SLCO3A1: variants seen among roughly 807,000 people sequenced by gnomAD.
The protein encoded by SLCO3A1 is PGE1 transporter.
In SLCO3A1, 27 loss-of-function variants were observed where a neutral mutation model predicts 63.1. That is an observed-to-expected ratio of 0.43 (90% CI 0.32 to 0.59). SLCO3A1 has a LOEUF of 0.59. Ranked by LOEUF, SLCO3A1 falls within the 20% of genes least tolerant of loss-of-function variation. The probability of loss-of-function intolerance (pLI) is 0.09; values close to 1 mark genes in which losing one functional copy is unlikely to be tolerated. For missense variants in SLCO3A1, 773 were observed against 945.8 expected (o/e 0.82, Z 2.40); for synonymous variants, 473 against 409.9 (o/e 1.15, Z -1.86).
chr15:91,887,264 C>T (rs1384490854), intron 1 of SLCO3A1, among the ~76,000 whole-genome samples: 2 of 152,124 alleles, frequency 1.3e-5, no homozygotes, highest in African/African-American at 2.4e-5. Context: ...ACCCCTTCCC[C>T]CTTCCTCGGC....
rs144719511 is a variant in SLCO3A1 at position 92,124,132 on chromosome 15, C to T, written c.1175-1929C>T. Among the ~76,000 whole-genome samples the T allele has an allele frequency of 1.4e-4, 22 of 152,320 alleles. 1 individual carries two copies. The highest frequency in any genetic ancestry group is 3.4e-3 in the Middle Eastern group (1 of 294). On this transcript the variant is annotated intron_variant, in intron 5 of 9. Coordinates refer to ENST00000318445, the MANE Select transcript of SLCO3A1 (RefSeq NM_013272.4). ...ATCCCAGAGCATCAGCACTGGCCCCCCTTCCACCCCTTGCAAAGTCATCAG... is the reference window on the plus strand; with the variant it reads ...ATCCCAGAGCATCAGCACTGGCCCCTCTTCCACCCCTTGCAAAGTCATCAG...
rs1026800420 is a variant in SLCO3A1 at position 91,968,590 on chromosome 15, C to G, written c.646+52132C>G. Among the ~76,000 whole-genome samples the G allele has an allele frequency of 1.3e-5, 2 of 152,126 alleles. No homozygotes were observed. Among genetic ancestry groups the G allele is most frequent in the Admixed American group, 6.5e-5 (1 of 15,274 alleles). On this transcript the variant is annotated intron_variant, in intron 2 of 9. Coordinates refer to ENST00000318445, the MANE Select transcript of SLCO3A1 (RefSeq NM_013272.4). This position sits in a 1 kb window ranked among gnomAD's most constrained non-coding sequence, Gnocchi z 4.2. ...CTAACAAAGGAAGTTCCATCACAGA[C>G]AAGGAGTGAGAAGAAGCCAGGGTAG...
chr15:92,166,821 C>T (rs1473776414), downstream of SLCO3A1, among the ~76,000 whole-genome samples: 1 of 152,184 alleles, frequency 6.6e-6, no homozygotes, highest in Non-Finnish European at 1.5e-5. Context: ...TTCTGGGTCC[C>T]CGTGTGCCTG....
chr15:91,911,928 A>G (rs1898500535), intron 1 of SLCO3A1, among the ~76,000 whole-genome samples: 2 of 151,890 alleles, frequency 1.3e-5, no homozygotes, highest in South Asian at 4.2e-4. Flanking sequence ...CCCGGCCGGG[A>G]CATCTATATT....
At chr15:91,952,460 G>A (rs1173620495) in intron 2 of SLCO3A1, among the ~76,000 whole-genome samples, 4 of 152,192 alleles carry the variant, frequency 2.6e-5, no homozygotes, top group Admixed American at 2.0e-4. Flanking sequence ...AGTAGGAACC[G>A]GTGATTTGAG....
intron 2 of SLCO3A1, among the ~76,000 whole-genome samples, chr15:92,082,406 T>A (rs2047358158): frequency 6.6e-6 from 1 of 152,142 alleles, no homozygotes; most frequent in African/African-American, 2.4e-5. Flanking sequence ...AGGCCAAGGA[T>A]GTTCAAGCAG....
chr15:91,934,913 T>C (rs1182576758), intron 2 of SLCO3A1, among the ~76,000 whole-genome samples: 1 of 152,192 alleles, frequency 6.6e-6, no homozygotes, highest in African/African-American at 2.4e-5. Context: ...TATTGAGCTT[T>C]GATTGGTAAA....
At chr15:92,049,231 C>T (rs2046927777) in intron 2 of SLCO3A1, among the ~76,000 whole-genome samples, 1 of 152,156 alleles carries the variant, frequency 6.6e-6, no homozygotes, top group African/African-American at 2.4e-5. Context: ...CTGCTACCCT[C>T]CCTGCTTTAG....
At chr15:92,040,569 C>T (rs1448144512) in intron 2 of SLCO3A1, among the ~76,000 whole-genome samples, 1 of 152,164 alleles carries the variant, frequency 6.6e-6, no homozygotes, top group Non-Finnish European at 1.5e-5. Context: ...CATCCACATT[C>T]CAAGAGCAGT....
At chr15:92,144,112 G>A (rs2048188276) in intron 7 of SLCO3A1, among the ~76,000 whole-genome samples, 1 of 152,250 alleles carries the variant, frequency 6.6e-6, no homozygotes, top group Admixed American at 6.5e-5. Flanking sequence ...CCTTCTGGGA[G>A]AAATGGCCTC....
intron 2 of SLCO3A1, among the ~76,000 whole-genome samples, chr15:92,085,023 GC>G (rs1421334405): frequency 6.6e-6 from 1 of 152,166 alleles, no homozygotes; most frequent in African/African-American, 2.4e-5. Context: ...CCAGGGCTGG[GC>G]CCCCACCATT....
chr15:91,927,296 C>CTT (rs951071362), intron 2 of SLCO3A1, among the ~76,000 whole-genome samples: 3 of 145,396 alleles, frequency 2.1e-5, no homozygotes, highest in African/African-American at 7.5e-5. Flanking sequence ...AAAATCAAAA[C>CTT]TTTTTTTTTT....
chr15:91,956,772 G>C (rs1212176615), intron 2 of SLCO3A1, among the ~76,000 whole-genome samples: 2 of 145,474 alleles, frequency 1.4e-5, no homozygotes, highest in Non-Finnish European at 1.5e-5. Context: ...CTGTGGCCTT[G>C]CCTTGCCTTC....
At chr15:91,908,611 A>C (rs1410518669) in intron 1 of SLCO3A1, 4 of 152,048 alleles carry the variant, frequency 2.6e-5, no homozygotes, top group Admixed American at 2.6e-4. Context: ...AAAACCTCAC[A>C]CTATTGCTGC....
rs775921028 is a variant in SLCO3A1 at position 92,162,920 on chromosome 15, C to T, written c.1918C>T (p.Leu640=). 46 of 1,614,220 alleles carry T rather than the reference C, an allele frequency of 2.8e-5. No individual in the cohort carries two copies. Among genetic ancestry groups the T allele is most frequent in the Non-Finnish European group, 3.4e-5 (40 of 1,180,032 alleles). Residue 640 remains leucine (L), a synonymous_variant, in exon 10 of 10, where the codon CTG becomes TTG. Transcript: ENST00000318445. ...AIALKSFAFI[L]YTTTWQCLRK... ...CGCGCTCAAATCCTTCGCCTTCATC[C>T]TGTACACCACCACGTGGCAGTGCCT... is the stretch of plus-strand genomic sequence containing the variant.
In SLCO3A1 at chr15:92,128,503, G is replaced by A. The variant is rs1208754797; in HGVS notation, c.1512+14G>A. 2 of 1,564,248 alleles carry A rather than the reference G, an allele frequency of 1.3e-6. No individual in the cohort carries two copies. Among genetic ancestry groups the A allele is most frequent in the Non-Finnish European group, 1.7e-6 (2 of 1,162,696 alleles). ...TGCAACAGCACGGTAATGGGATGGG[G>A]CAGGGGATGGGGCAGGGGATTCAGG... On this transcript the variant is annotated intron_variant, in intron 7 of 9. Coordinates refer to ENST00000318445, the MANE Select transcript of SLCO3A1 (RefSeq NM_013272.4).
chr15:92,167,617 T>C (rs1266699103), downstream of SLCO3A1, among the ~76,000 whole-genome samples: 1 of 152,188 alleles, frequency 6.6e-6, no homozygotes, highest in African/African-American at 2.4e-5. Flanking sequence ...TGTACTGTCA[T>C]TGCTCAAGAG....
At chr15:92,059,694 G>A (rs1053751806) in intron 2 of SLCO3A1, among the ~76,000 whole-genome samples, 1 of 152,174 alleles carries the variant, frequency 6.6e-6, no homozygotes, top group Non-Finnish European at 1.5e-5. Flanking sequence ...GAAGAGGGCT[G>A]TATCGATGCA....
At chr15:92,126,513 G>A (rs565795055) in intron 6 of SLCO3A1, among the ~76,000 whole-genome samples, 10 of 152,258 alleles carry the variant, frequency 6.6e-5, no homozygotes, top group Admixed American at 4.6e-4. Flanking sequence ...CTCACATCGC[G>A]ATTTTTGGCA....
Sources: allele counts gnomAD v4.1 joint callset (sites outside exome capture counted in the v4.1 genomes callset), GRCh38; gene constraint gnomAD v4.1.1; non-coding constraint Gnocchi (gnomAD v3.1); transcripts MANE v1.5; gene names NCBI Gene and HGNC (gene_info 2026-07-23, HGNC 2026-07-21).